The following NBAS variants were observed in gnomAD, a reference collection of about 807,000 sequenced individuals.
The protein encoded by NBAS is NAG/BC035112 fusion.
A neutral mutation model predicts 302.5 loss-of-function variants in NBAS; 219 were observed. The ratio of observed to expected loss-of-function variants is 0.72; its 90% CI spans 0.65 to 0.81. The LOEUF (loss-of-function observed/expected upper bound fraction) is 0.81, where lower values mean the gene tolerates loss of function less well. Ranked by LOEUF, NBAS falls within the 30% of genes least tolerant of loss-of-function variation. The pLI is 0.00. For missense variants in NBAS, 2,932 were observed against 2,841.6 expected (o/e 1.03, Z -0.72); for synonymous variants, 1,118 against 1,021.6 (o/e 1.09, Z -1.80).
At chr2:14,843,557 G>GACACACAC in the NBAS span, among the ~76,000 whole-genome samples, 4 of 147,034 alleles carry the variant, frequency 2.7e-5, no homozygotes, top group South Asian at 2.2e-4. Context: ...TACAGACACA[G>GACACACAC]ACACACACAC....
chr2:15,496,064 G>GTATA (rs1429922320), intron 11 of NBAS, among the ~76,000 whole-genome samples: 1 of 148,008 alleles, frequency 6.8e-6, no homozygotes, highest in African/African-American at 2.5e-5. Context: ...CTGTGTGTGT[G>GTATA]TATATATATA....
intron 48 of NBAS, among the ~76,000 whole-genome samples, chr2:15,207,143 G>A (rs1666184961): frequency 6.6e-6 from 1 of 152,198 alleles, no homozygotes; most frequent in Admixed American, 6.5e-5. Flanking sequence ...GCTGCCCATG[G>A]CTTGGGAGCC....
At chr2:14,982,904 T>C in the NBAS span, among the ~76,000 whole-genome samples, 287 of 152,112 alleles carry the variant, frequency 1.9e-3, 2 homozygotes, top group African/African-American at 6.7e-3. Context: ...CAGAGCTAAA[T>C]AGAAACAGAG....
chr2:14,860,863 TAAAG>T, the NBAS span, among the ~76,000 whole-genome samples: 11 of 152,158 alleles, frequency 7.2e-5, no homozygotes, highest in African/African-American at 2.7e-4. Context: ...ATTAATAGCA[TAAAG>T]AAAAGACAAA....
At chr2:15,378,375 A>G (rs1008080489) in intron 30 of NBAS, among the ~76,000 whole-genome samples, 3 of 152,218 alleles carry the variant, frequency 2.0e-5, no homozygotes, top group African/African-American at 7.2e-5. Flanking sequence ...ACTGCAAACG[A>G]GAGTTGGAAA....
chr2:15,187,389 T>G (rs1470743390), intron 49 of NBAS, among the ~76,000 whole-genome samples: 2 of 152,152 alleles, frequency 1.3e-5, no homozygotes, highest in Non-Finnish European at 2.9e-5. Context: ...ATTATTACTA[T>G]TATTATCATT....
chr2:15,305,325 G>A (rs2148148704), intron 40 of NBAS, among the ~76,000 whole-genome samples: 1 of 152,120 alleles, frequency 6.6e-6, no homozygotes, highest in East Asian at 1.9e-4. Context: ...TGTGAAGAAA[G>A]TGCCTTGGTT....
chr2:15,008,863 A>T, the NBAS span, among the ~76,000 whole-genome samples: 2 of 152,202 alleles, frequency 1.3e-5, no homozygotes, highest in African/African-American at 4.8e-5. Context: ...TTCCCACCTC[A>T]TTGTTTAAAA....
chr2:14,991,593 A>G, the NBAS span, among the ~76,000 whole-genome samples: 1 of 152,192 alleles, frequency 6.6e-6, no homozygotes, highest in Non-Finnish European at 1.5e-5. Flanking sequence ...GCCCAGGTGC[A>G]TTACCCATTA....
the NBAS span, among the ~76,000 whole-genome samples, chr2:15,038,112 C>CTTTTTTTTT: frequency 8.4e-6 from 1 of 118,546 alleles, no homozygotes; most frequent in African/African-American, 3.2e-5. Flanking sequence ...TGACTTTATT[C>CTTTTTTTTT]TTTTTTTTTT....
At chr2:15,530,876 G>C (rs1391046303) in intron 9 of NBAS, among the ~76,000 whole-genome samples, 1 of 151,056 alleles carries the variant, frequency 6.6e-6, no homozygotes, top group African/African-American at 2.4e-5. Context: ...TCAAATTTCA[G>C]AACGCCAGGG....
intron 26 of NBAS, among the ~76,000 whole-genome samples, chr2:15,400,225 A>G (rs1029348919): frequency 1.3e-5 from 2 of 152,004 alleles, no homozygotes; most frequent in Non-Finnish European, 2.9e-5. Context: ...AGAGCGAGAA[A>G]AGAAGAGACA....
rs189878957 is a variant in NBAS at position 15,504,659 on chromosome 2, A to C, written c.886-446T>G. 5.0e-4 allele frequency among the ~76,000 whole-genome samples: 76 copies of C among 152,320 alleles called. 1 individual carries two copies. The highest frequency in any genetic ancestry group is 1.7e-3 in the African/African-American group (72 of 41,576). Reference sequence around the variant, plus strand: ...TCAGTGCATAAAATAATTTAATATAACACATGACAATTTTTTGTCTTTAGA... The same window carrying C: ...TCAGTGCATAAAATAATTTAATATACCACATGACAATTTTTTGTCTTTAGA... On this transcript the variant is annotated intron_variant, in intron 10 of 51. Transcript: ENST00000281513.
At chr2:14,918,662 G>A in the NBAS span, among the ~76,000 whole-genome samples, 2 of 152,250 alleles carry the variant, frequency 1.3e-5, no homozygotes, top group African/African-American at 4.8e-5. Context: ...GTCTGCACTT[G>A]ACCCTGAGGG....
At chr2:15,112,119 G>A in the NBAS span, among the ~76,000 whole-genome samples, 101 of 151,160 alleles carry the variant, frequency 6.7e-4, no homozygotes, top group African/African-American at 2.3e-3. Flanking sequence ...AGCCAAATCT[G>A]CAAAATAGAT....
At chr2:15,521,833 T>A (rs1271589308) in intron 9 of NBAS, among the ~76,000 whole-genome samples, 1 of 152,174 alleles carries the variant, frequency 6.6e-6, no homozygotes, top group Non-Finnish European at 1.5e-5. Context: ...AAATAAAGCT[T>A]TATGGAACAC....
Position 15,558,598 on chromosome 2 carries a change from T to C in NBAS, c.154A>G (p.Ile52Val), listed in dbSNP as rs1259479322. Residue 52 changes from isoleucine to valine, a missense_variant, in exon 2 of 52, where the codon ATC becomes GTC. Coordinates refer to ENST00000281513, the MANE Select transcript of NBAS (RefSeq NM_015909.4). ...GNQKHGASFI[I>V]TKAIRDRLLF... ...TATTTACCTCGAATTGCTTTCGTGA[T>C]GATAAAGGATGCACCATGTTTTTGG... 1 of 1,612,948 alleles carries C rather than the reference T, an allele frequency of 6.2e-7. No homozygotes were observed. Among genetic ancestry groups the C allele is most frequent in the African/African-American group, 1.3e-5 (1 of 74,906 alleles).
the NBAS span, among the ~76,000 whole-genome samples, chr2:14,876,829 C>CT: frequency 6.6e-6 from 1 of 152,260 alleles, no homozygotes; most frequent in Non-Finnish European, 1.5e-5. Flanking sequence ...CGGCCGCTGA[C>CT]TCCAGCCTTG....
intron 10 of NBAS, among the ~76,000 whole-genome samples, chr2:15,505,246 A>G (rs1037376721): frequency 5.3e-5 from 8 of 152,206 alleles, no homozygotes; most frequent in Non-Finnish European, 8.8e-5. Flanking sequence ...GGGAGGACAG[A>G]GGGGAGCTAG....
Sources: allele counts gnomAD v4.1 joint callset (sites outside exome capture counted in the v4.1 genomes callset), GRCh38; gene constraint gnomAD v4.1.1; transcripts MANE v1.5; gene names NCBI Gene and HGNC (gene_info 2026-07-23, HGNC 2026-07-21).